Variants in C19orf44 observed in about 807,000 individuals in gnomAD.
C19orf44 encodes the protein chromosome 19 open reading frame 44.
In C19orf44, 43 loss-of-function variants were observed where a neutral mutation model predicts 50.7. The ratio of observed to expected loss-of-function variants is 0.85; its 90% CI spans 0.66 to 1.09. The LOEUF is 1.09. Among genes scored for constraint, C19orf44 ranks in the 50% least tolerant of loss-of-function variants. The pLI, the probability that C19orf44 is intolerant of heterozygous loss-of-function variation, is 0.00. For synonymous variants in C19orf44, 298 were observed against 334.7 expected (o/e 0.89, Z 1.20); for missense variants, 722 against 836.2 (o/e 0.86, Z 1.68).
At position 16,509,489 on chromosome 19, in the gene C19orf44, T is replaced by C; in HGVS notation, c.1150-10T>C. 6.5e-7 allele frequency: 1 copy of C among 1,530,960 alleles called. No homozygotes were observed. Among genetic ancestry groups the C allele is most frequent in the Non-Finnish European group, 8.8e-7 (1 of 1,142,270 alleles). 94.8% of individuals were successfully genotyped at this position (1,530,960 alleles called of 1,614,324 possible). A position where few individuals can be genotyped will look rare whatever the true frequency, so the allele number is the denominator to read the frequency against. On this transcript the variant is annotated splice_polypyrimidine_tract_variant and intron_variant, in intron 4 of 8. Coordinates refer to ENST00000221671, the MANE Select transcript of C19orf44 (RefSeq NM_032207.4). ...CACTTCCCAGCCACCTCTGCCATTCTTCATTTTAGGAGGAAAGTGCTCAGA... is the reference window on the plus strand; with the variant it reads ...CACTTCCCAGCCACCTCTGCCATTCCTCATTTTAGGAGGAAAGTGCTCAGA...
At chr19:16,505,371 G>A (rs762943875) in intron 3 of C19orf44, among the ~76,000 whole-genome samples, 4 of 150,616 alleles carry the variant, frequency 2.7e-5, no homozygotes, top group East Asian at 2.0e-4. Flanking sequence ...TTGCCACCAC[G>A]CCCAGCTAAT....
intron 4 of C19orf44, among the ~76,000 whole-genome samples, chr19:16,508,649 G>A (rs2093447314): frequency 6.6e-6 from 1 of 152,228 alleles, no homozygotes; most frequent in East Asian, 1.9e-4. Context: ...GCCTTTCAAA[G>A]TGCCGAGATT....
At chr19:16,515,342 C>T (rs534467411) in intron 7 of C19orf44, among the ~76,000 whole-genome samples, 21 of 152,196 alleles carry the variant, frequency 1.4e-4, no homozygotes, top group Non-Finnish European at 2.9e-4. Flanking sequence ...GCTCGGGTGA[C>T]GAGCAAGACT....
In C19orf44 at chr19:16,501,224, C is replaced by T. The variant is rs770949440; in HGVS notation, c.432C>T (p.Ser144=). Residue 144 remains serine (S), a synonymous_variant, in exon 2 of 9, where the codon TCC becomes TCT. Coordinates refer to ENST00000221671, the MANE Select transcript of C19orf44 (RefSeq NM_032207.4). ...ILSGGALELA[S]QNTDKTSQNQ... is the part of the protein sequence containing the mutation. ...CTGGGGGTGCACTCGAACTCGCGTCCCAGAACACAGACAAAACTTCCCAGA... is the reference window on the plus strand; with the variant it reads ...CTGGGGGTGCACTCGAACTCGCGTCTCAGAACACAGACAAAACTTCCCAGA... 5 of 1,614,010 alleles carry T rather than the reference C, an allele frequency of 3.1e-6. No homozygotes were observed. Among genetic ancestry groups the T allele is most frequent in the Non-Finnish European group, 2.5e-6 (3 of 1,180,036 alleles).
In C19orf44 at chr19:16,519,033, T is replaced by A. The variant is rs11539314; in HGVS notation, c.*41-1061T>A. 7.9e-3 allele frequency: 6,984 copies of A among 886,234 alleles called. 48 individuals carry two copies. The highest frequency in any genetic ancestry group is 9.3e-3 in the Middle Eastern group (31 of 3,316). The allele number at this position is 886,234 out of a possible 1,614,324, so 54.9% of individuals were successfully genotyped here. On this transcript the variant is annotated intron_variant, in intron 8 of 8. Coordinates refer to ENST00000221671, the MANE Select transcript of C19orf44 (RefSeq NM_032207.4). This position sits in a 1 kb window ranked among gnomAD's most constrained non-coding sequence, Gnocchi z 6.0. ...CATGCGCTGGTCTTCCTTCTCTTCC[T>A]GTGGCTCTCCACAAGTGGAGACGGT...
Position 16,520,550 on chromosome 19 carries a change from C to G in C19orf44, c.*497C>G. The G allele has an allele frequency of 6.3e-7, 1 of 1,585,500 alleles. No homozygotes were observed. Among genetic ancestry groups the G allele is most frequent in the African/African-American group, 1.3e-5 (1 of 74,504 alleles). ...ATGATCAGGTGCCCCAGTGGATGGG[C>G]TGCACCCAGCCCACCCTGGCCCTCA... On this transcript the variant is annotated 3_prime_UTR_variant, in exon 9 of 9. Coordinates refer to ENST00000221671, the MANE Select transcript of C19orf44 (RefSeq NM_032207.4). The surrounding 1 kb of genome is among the most constrained non-coding windows in gnomAD (Gnocchi z 4.0).
Position 16,514,554 on chromosome 19 carries a change from T to G in C19orf44, c.1793T>G (p.Leu598Arg). 4 of 1,611,482 alleles carry G rather than the reference T, an allele frequency of 2.5e-6. No homozygotes were observed. The highest frequency in any genetic ancestry group is 3.4e-6 in the Non-Finnish European group (4 of 1,179,620). ...CTCCATGATGTGCTGAAGCAGCAGC[T>G]GAGCCTGACGCAGCAGTTCATCCAG... The part of the protein sequence containing the change: ...LALHDVLKQQ[L>R]SLTQQFIQAS... The change falls in exon 7 of 9, where the codon CTG becomes CGG. Residue 598 changes from leucine (L) to arginine (R), a missense_variant. Leu to Arg is a moderately radical substitution (Grantham distance 102, BLOSUM62 -2). Coordinates refer to ENST00000221671, the MANE Select transcript of C19orf44 (RefSeq NM_032207.4).
At position 16,509,996 on chromosome 19, in the gene C19orf44, T is replaced by C. The variant is rs1379689968; in HGVS notation, c.1639+8T>C. The C allele has an allele frequency of 6.2e-7, 1 of 1,614,054 alleles. No individual in the cohort carries two copies. Among genetic ancestry groups the C allele is most frequent in the Non-Finnish European group, 8.5e-7 (1 of 1,179,944 alleles). ...CCTACGAGTGGACCAAGGGTAAGCCTTGGGGCCCGTGGGGGCCGGGGCAGC... is the reference window on the plus strand; with the variant it reads ...CCTACGAGTGGACCAAGGGTAAGCCCTGGGGCCCGTGGGGGCCGGGGCAGC... On this transcript the variant is annotated splice_region_variant and intron_variant, in intron 5 of 8. Transcript: ENST00000221671.
At position 16,520,681 on chromosome 19, in the gene C19orf44, G is replaced by C. The variant is rs1001037008; in HGVS notation, c.*628G>C. On this transcript the variant is annotated 3_prime_UTR_variant, in exon 9 of 9. Coordinates refer to ENST00000221671, the MANE Select transcript of C19orf44 (RefSeq NM_032207.4). The surrounding 1 kb of genome is among the most constrained non-coding windows in gnomAD (Gnocchi z 4.0). Reference sequence around the variant, plus strand: ...ATAGTGTGGCCGAGCCTGCTGCTGTGTGAATTCAGGCCTTGTGGAAAACAC... The same window carrying C: ...ATAGTGTGGCCGAGCCTGCTGCTGTCTGAATTCAGGCCTTGTGGAAAACAC... The C allele has an allele frequency of 8.9e-7, 1 of 1,126,536 alleles. No individual in the cohort carries two copies. Among genetic ancestry groups the C allele is most frequent in the African/African-American group, 1.5e-5 (1 of 65,028 alleles). 69.8% of individuals were successfully genotyped at this position (1,126,536 alleles called of 1,614,324 possible). A position where few individuals can be genotyped will look rare whatever the true frequency, so the allele number is the denominator to read the frequency against.
chr19:16,514,444 G>T (rs1244681663), intron 6 of C19orf44, 53 bp from the exon 7 acceptor site: 1 of 1,488,726 alleles, frequency 6.7e-7, no homozygotes, highest in African/African-American at 1.4e-5. Context: ...GGGGGGGGCT[G>T]CAGAATTTGT....
intron 3 of C19orf44, 144 bp downstream of exon 3, chr19:16,503,524 G>C: frequency 4.7e-6 from 4 of 843,140 alleles, no homozygotes; most frequent in Non-Finnish European, 5.4e-6. Context: ...TAACTTTCTT[G>C]TCTGGTTGAG....
chr19:16,520,714 T>G lies in C19orf44; in HGVS notation c.*661T>G. 8.2e-7 allele frequency: 1 copy of G among 1,221,154 alleles called. No individual in the cohort carries two copies. The highest frequency in any genetic ancestry group is 1.7e-5 in the Admixed American group (1 of 58,104). The allele number at this position is 1,221,154 out of a possible 1,614,324, so 75.6% of individuals were successfully genotyped here. ...AGGCCTTGTGGAAAACACCGCCCCA[T>G]AGGCACAGGCTGTGTGAGGGTGGAC... On this transcript the variant is annotated 3_prime_UTR_variant, in exon 9 of 9. Coordinates refer to ENST00000221671, the MANE Select transcript of C19orf44 (RefSeq NM_032207.4). The surrounding 1 kb of genome is among the most constrained non-coding windows in gnomAD (Gnocchi z 4.0).
rs756814474 is a variant in C19orf44 at position 16,509,616 on chromosome 19, G to A, written c.1267G>A (p.Ala423Thr). 25 of 1,614,090 alleles carry A rather than the reference G, an allele frequency of 1.5e-5. No individual in the cohort carries two copies. In the East Asian group the frequency reaches 2.0e-4, roughly 13 times the overall value. ...GAGCTGGGCATCACAGGGAAAGGCC[G>A]CCTCTGCAGAGGGGGATGAGAGCGA... is the stretch of plus-strand genomic sequence containing the variant. ...ARSWASQGKA[A>T]SAEGDESEVS... The change falls in exon 5 of 9, where the codon GCC becomes ACC. Residue 423 changes from alanine to threonine, a missense_variant. Coordinates refer to ENST00000221671, the MANE Select transcript of C19orf44 (RefSeq NM_032207.4).
In C19orf44 at chr19:16,501,557, A is replaced by ATT. The variant is rs35035783; in HGVS notation, c.759+17_759+18dup. 4,128 of 1,189,608 alleles carry ATT rather than the reference A, an allele frequency of 3.5e-3. 7 individuals are homozygous for ATT. The highest frequency in any genetic ancestry group is 5.2e-3 in the African/African-American group (322 of 61,728). The allele number at this position is 1,189,608 out of a possible 1,614,324, so 73.7% of individuals were successfully genotyped here. ...AAGAAAGAAAACTATTTTCGGTGAG[A>ATT]TTTTTTTTTTTTGGTAAATTTATTT... On this transcript the variant is annotated splice_region_variant and intron_variant, in intron 2 of 8. Transcript: ENST00000221671.
intron 5 of C19orf44, 122 bp from the exon 6 acceptor site, chr19:16,512,892 C>G: frequency 1.4e-6 from 1 of 720,600 alleles, no homozygotes; most frequent in Non-Finnish European, 2.2e-6. Flanking sequence ...GCAAGAGTGG[C>G]GATCACCTTC....
chr19:16,499,310 G>A (rs1034558134), intron 1 of C19orf44, among the ~76,000 whole-genome samples: 11 of 150,716 alleles, frequency 7.3e-5, no homozygotes, highest in South Asian at 2.1e-4. Flanking sequence ...TTTTTGAGAC[G>A]GAGTTTTACT....
At chr19:16,514,424 T>G in intron 6 of C19orf44, 73 bp from the exon 7 acceptor site, 1 of 1,420,252 alleles carries the variant, frequency 7.0e-7, no homozygotes, top group African/African-American at 1.5e-5. Context: ...GCCTGGCACC[T>G]GAGCGGTGGG....
At chr19:16,514,926 C>T in intron 7 of C19orf44, among the ~76,000 whole-genome samples, 1 of 152,228 alleles carries the variant, frequency 6.6e-6, no homozygotes, top group East Asian at 1.9e-4. Context: ...ACTAAAGGGA[C>T]CTACTGTTCG....
intron 5 of C19orf44, among the ~76,000 whole-genome samples, chr19:16,512,005 ACT>A (rs1365632440): frequency 8.0e-6 from 1 of 125,010 alleles, no homozygotes; most frequent in Admixed American, 9.7e-5. Context: ...ACAGAGTGAG[ACT>A]CTGTCTCAAA....
Sources: allele counts gnomAD v4.1 joint callset (sites outside exome capture counted in the v4.1 genomes callset), GRCh38; gene constraint gnomAD v4.1.1; non-coding constraint Gnocchi (gnomAD v3.1); transcripts MANE v1.5; gene names NCBI Gene and HGNC (gene_info 2026-07-23, HGNC 2026-07-21).